The following CADPS2 variants were observed in gnomAD, a reference collection of about 807,000 sequenced individuals.
The protein encoded by CADPS2 is calcium-dependent secretion activator 2.
A neutral mutation model predicts 172.5 loss-of-function variants in CADPS2; 93 were observed. The ratio of observed to expected loss-of-function variants is 0.54; its 90% confidence interval spans 0.46 to 0.64. CADPS2 has a LOEUF of 0.64. Among genes scored for constraint, CADPS2 ranks in the 30% least tolerant of loss-of-function variants. The pLI is 0.00. For missense variants in CADPS2, 1,420 were observed against 1,565.9 expected (o/e 0.91, Z 1.57); for synonymous variants, 546 against 555.2 (o/e 0.98, Z 0.23).
intron 3 of CADPS2, among the ~76,000 whole-genome samples, chr7:122,647,796 A>G (rs2078722777): frequency 6.6e-6 from 1 of 152,210 alleles, no homozygotes; most frequent in South Asian, 2.1e-4. Context: ...CAGAACAAAT[A>G]AACAATTAAA....
At chr7:122,469,431 T>G (rs1352478835) in intron 14 of CADPS2, among the ~76,000 whole-genome samples, 1 of 152,166 alleles carries the variant, frequency 6.6e-6, no homozygotes, top group East Asian at 1.9e-4. Context: ...CAGAAGGAAT[T>G]GAGACAGAGT....
intron 3 of CADPS2, among the ~76,000 whole-genome samples, chr7:122,634,459 A>G (rs545244954): frequency 1.3e-5 from 2 of 152,286 alleles, no homozygotes; most frequent in East Asian, 3.9e-4. Flanking sequence ...TAGCATATAC[A>G]GAGGTTTTCA....
At chr7:122,445,444 T>C (rs1206450684) in intron 15 of CADPS2, among the ~76,000 whole-genome samples, 1 of 152,144 alleles carries the variant, frequency 6.6e-6, no homozygotes, top group African/African-American at 2.4e-5. Flanking sequence ...AAGTATTTCA[T>C]ATTTTTTATT....
chr7:122,679,262 T>G (rs1024973206), intron 2 of CADPS2, among the ~76,000 whole-genome samples: 1 of 6,654 alleles, frequency 1.5e-4, no homozygotes, highest in African/African-American at 2.0e-4. Context: ...AAGAATGCAT[T>G]CCTGGGGGGG....
intron 28 of CADPS2, among the ~76,000 whole-genome samples, chr7:122,331,490 T>C (rs1369941747): frequency 6.6e-6 from 1 of 151,984 alleles, no homozygotes. Context: ...ATACAAAAAA[T>C]TAGTTGGGTG....
chr7:122,448,485 T>C (rs1417370107), intron 15 of CADPS2, among the ~76,000 whole-genome samples: 1 of 152,128 alleles, frequency 6.6e-6, no homozygotes, highest in Non-Finnish European at 1.5e-5. Flanking sequence ...CCAAAGATGA[T>C]GTGCGTATAA....
chr7:122,882,685 T>C (rs1823258174), intron 1 of CADPS2, among the ~76,000 whole-genome samples: 1 of 151,936 alleles, frequency 6.6e-6, no homozygotes, highest in African/African-American at 2.4e-5. Context: ...CAAATTGCCT[T>C]TATTAATTAG....
At chr7:122,460,039 C>T (rs576204979) in intron 14 of CADPS2, among the ~76,000 whole-genome samples, 14 of 152,160 alleles carry the variant, frequency 9.2e-5, no homozygotes, top group African/African-American at 3.1e-4. Flanking sequence ...AAACCTGAAG[C>T]AGAAGGCAGT....
intron 3 of CADPS2, among the ~76,000 whole-genome samples, chr7:122,642,044 C>G (rs2077709359): frequency 6.6e-6 from 1 of 152,012 alleles, no homozygotes; most frequent in African/African-American, 2.4e-5. Flanking sequence ...CTTTGGGAAG[C>G]TGAGGCAGGT....
intron 8 of CADPS2, among the ~76,000 whole-genome samples, chr7:122,547,784 G>A (rs1408644821): frequency 6.6e-6 from 1 of 152,102 alleles, no homozygotes; most frequent in Non-Finnish European, 1.5e-5. Context: ...AGAGAGAAGG[G>A]TTCTTTGTAG....
At chr7:122,588,805 T>A (rs28415980) in intron 6 of CADPS2, among the ~76,000 whole-genome samples, 2 of 151,940 alleles carry the variant, frequency 1.3e-5, no homozygotes, top group African/African-American at 4.8e-5. Flanking sequence ...GTTATTTTCA[T>A]TGACTCATAT....
intron 20 of CADPS2, among the ~76,000 whole-genome samples, chr7:122,406,137 T>C (rs977392030): frequency 1.3e-5 from 2 of 152,132 alleles, no homozygotes; most frequent in African/African-American, 4.8e-5. Flanking sequence ...AAGTACAATA[T>C]TACAAATGAT....
chr7:122,378,477 T>G (rs565841602), intron 25 of CADPS2, among the ~76,000 whole-genome samples: 25 of 152,274 alleles, frequency 1.6e-4, no homozygotes, highest in African/African-American at 6.0e-4. Flanking sequence ...TTCCTTAAAT[T>G]ATTAATGAGG....
intron 1 of CADPS2, among the ~76,000 whole-genome samples, chr7:122,768,325 G>A (rs1474045518): frequency 1.3e-5 from 2 of 152,136 alleles, no homozygotes; most frequent in Admixed American, 6.6e-5. Context: ...TCAGAAATAT[G>A]CAACAAAGTC....
chr7:122,377,027 T>G (rs1048310472), intron 25 of CADPS2, among the ~76,000 whole-genome samples: 1 of 152,104 alleles, frequency 6.6e-6, no homozygotes, highest in African/African-American at 2.4e-5. Context: ...TTTTATACTT[T>G]TCAACCAAAG....
intron 2 of CADPS2, among the ~76,000 whole-genome samples, chr7:122,711,164 T>A (rs1387275968): frequency 6.6e-6 from 1 of 152,136 alleles, no homozygotes; most frequent in African/African-American, 2.4e-5. Flanking sequence ...GCCATCTGTC[T>A]TACATTTTCT....
rs147715468 is a variant in CADPS2, at chr7:122,554,729, G to A, written c.1336-40C>T. ...AAACCCACATTTAAACGCATGATACGGAGTGTCTATGGGTTGGAACTAAAA... is the reference window on the plus strand; with the variant it reads ...AAACCCACATTTAAACGCATGATACAGAGTGTCTATGGGTTGGAACTAAAA... On this transcript the variant is annotated intron_variant, in intron 7 of 29. Coordinates refer to ENST00000449022, the MANE Select transcript of CADPS2 (RefSeq NM_017954.11). 2.0e-3 allele frequency: 3,116 copies of A among 1,539,266 alleles called. 46 individuals are homozygous for A. The African/African-American group carries it at 0.035, about 17-fold the overall frequency.
At chr7:122,456,678 TGAGGCCTGA>T (rs1486781583) in intron 14 of CADPS2, among the ~76,000 whole-genome samples, 1 of 152,196 alleles carries the variant, frequency 6.6e-6, no homozygotes, top group African/African-American at 2.4e-5. Flanking sequence ...CTTCTGCCAC[TGAGGCCTGA>T]TCTTAACGTC....
chr7:122,558,864 AT>A (rs1265837294), intron 7 of CADPS2, among the ~76,000 whole-genome samples: 1 of 152,180 alleles, frequency 6.6e-6, no homozygotes, highest in African/African-American at 2.4e-5. Flanking sequence ...GACTATTTAA[AT>A]TGCTAAACTC....
Sources: allele counts gnomAD v4.1 joint callset (sites outside exome capture counted in the v4.1 genomes callset), GRCh38; gene constraint gnomAD v4.1.1; transcripts MANE v1.5; gene names NCBI Gene and HGNC (gene_info 2026-07-23, HGNC 2026-07-21).